Variants in GLIS3 observed in about 807,000 individuals in gnomAD.
GLIS3 encodes the protein GLIS family zinc finger 3, also known as zinc finger protein GLIS3.
A neutral mutation model predicts 78.6 loss-of-function variants in GLIS3; 53 were observed. That is an observed-to-expected ratio of 0.67 (90% CI 0.54 to 0.85). The LOEUF (loss-of-function observed/expected upper bound fraction) is 0.85. Ranked by LOEUF, GLIS3 falls within the 40% of genes least tolerant of loss-of-function variation. The probability of loss-of-function intolerance (pLI) is 0.00; values close to 1 mark genes in which losing one functional copy is unlikely to be tolerated. For synonymous variants in GLIS3, 684 were observed against 509.9 expected, an observed-to-expected ratio of 1.34 and a Z score of -4.60; for missense variants, 1,703 against 1,231.1, an observed-to-expected ratio of 1.38 and a Z score of -5.74.
At chr9:4,221,323 G>C (rs1821314123) in intron 2 of GLIS3, among the ~76,000 whole-genome samples, 1 of 152,128 alleles carries the variant, frequency 6.6e-6, no homozygotes, top group African/African-American at 2.4e-5. Context: ...CTGTAGGTTT[G>C]AAATTATTTA....
intron 4 of GLIS3, among the ~76,000 whole-genome samples, chr9:4,015,211 G>C (rs753198229): frequency 1.3e-5 from 2 of 152,208 alleles, no homozygotes; most frequent in Non-Finnish European, 2.9e-5. Context: ...GGAAGGCCGT[G>C]TGTGCAGGGA....
chr9:4,350,998 G>T (rs952211651), upstream of GLIS3, among the ~76,000 whole-genome samples: 1 of 152,090 alleles, frequency 6.6e-6, no homozygotes, highest in Non-Finnish European at 1.5e-5. Context: ...AGGTCACACC[G>T]CCATGAAGCT....
chr9:4,308,269 G>A (rs769421534), intron 4 of GLIS3, among the ~76,000 whole-genome samples: 2 of 152,224 alleles, frequency 1.3e-5, no homozygotes, highest in African/African-American at 2.4e-5. Flanking sequence ...AGGAAGGGCA[G>A]GAGAAAGAAG....
intron 4 of GLIS3, chr9:4,081,416 G>C (rs2130700487): frequency 6.6e-6 from 1 of 152,256 alleles, no homozygotes; most frequent in South Asian, 2.1e-4. Context: ...CATGTACCTG[G>C]GTTTTGGCCA....
At chr9:4,078,884 G>C (rs1330840336) in intron 4 of GLIS3, among the ~76,000 whole-genome samples, 1 of 152,126 alleles carries the variant, frequency 6.6e-6, no homozygotes, top group Non-Finnish European at 1.5e-5. Flanking sequence ...TCTGTGCTTT[G>C]AAATGCCTCC....
chr9:4,058,603 T>G (rs1826342465), intron 4 of GLIS3, among the ~76,000 whole-genome samples: 1 of 152,204 alleles, frequency 6.6e-6, no homozygotes, highest in Non-Finnish European at 1.5e-5. Context: ...TGTCTACTTC[T>G]ATTGACTATT....
Position 4,269,527 on chromosome 9 carries a change from C to A in GLIS3, c.388+16511G>T, listed in dbSNP as rs191671629. On this transcript the variant is annotated intron_variant, in intron 2 of 10. Transcript: ENST00000381971. ...GCAAATAACCAGATGTCTGAACCAC[C>A]AAAACGATCTACTTAAATCATCAGA... 1.8e-4 allele frequency among the ~76,000 whole-genome samples: 28 copies of A among 152,268 alleles called. 1 individual carries two copies. The highest frequency in any genetic ancestry group is 5.5e-4 in the African/African-American group (23 of 41,558).
At chr9:4,126,931 A>T (rs1832623273) in intron 2 of GLIS3, among the ~76,000 whole-genome samples, 1 of 152,172 alleles carries the variant, frequency 6.6e-6, no homozygotes, top group Admixed American at 6.5e-5. Context: ...TTGGGATCGA[A>T]GTAGGAAGAA....
At chr9:4,104,081 A>C (rs1830576621) in intron 4 of GLIS3, among the ~76,000 whole-genome samples, 1 of 152,152 alleles carries the variant, frequency 6.6e-6, no homozygotes, top group Admixed American at 6.6e-5. Flanking sequence ...TTTCACTTTA[A>C]ATTAGGTAAG....
intron 2 of GLIS3, among the ~76,000 whole-genome samples, chr9:4,202,219 C>T (rs1319037485): frequency 1.4e-5 from 2 of 141,102 alleles, no homozygotes; most frequent in Non-Finnish European, 1.5e-5. Flanking sequence ...GGCACAATCT[C>T]GGCTCACTGC....
chr9:4,152,046 C>T (rs1418405638), intron 2 of GLIS3: 5 of 638,930 alleles, frequency 7.8e-6, no homozygotes, highest in South Asian at 1.4e-4. Context: ...AACCTCAAAC[C>T]CTCCCAGTCT....
intron 2 of GLIS3, among the ~76,000 whole-genome samples, chr9:4,200,553 C>A (rs919267310): frequency 1.3e-5 from 2 of 152,038 alleles, no homozygotes; most frequent in Admixed American, 1.3e-4. Flanking sequence ...ACTAGAAAGT[C>A]TGAAGGAAAT....
chr9:3,838,255 A>G (rs181651293), intron 9 of GLIS3, among the ~76,000 whole-genome samples: 1 of 152,316 alleles, frequency 6.6e-6, no homozygotes, highest in Admixed American at 6.5e-5. Flanking sequence ...AATGTAAGGA[A>G]ATCTTAGTTA....
intron 4 of GLIS3, among the ~76,000 whole-genome samples, chr9:3,958,376 C>A (rs532511702): frequency 6.6e-6 from 1 of 152,098 alleles, no homozygotes; most frequent in African/African-American, 2.4e-5. Context: ...CAAAAAAAGT[C>A]ATGAATCATT....
chr9:3,940,581 G>T (rs1458944961), intron 4 of GLIS3, among the ~76,000 whole-genome samples: 1 of 152,162 alleles, frequency 6.6e-6, no homozygotes, highest in Non-Finnish European at 1.5e-5. Flanking sequence ...ATGACTGAAT[G>T]ATGAGGCCAG....
At chr9:3,925,780 A>C (rs1825179384) in intron 6 of GLIS3, among the ~76,000 whole-genome samples, 1 of 152,210 alleles carries the variant, frequency 6.6e-6, no homozygotes, top group Non-Finnish European at 1.5e-5. Flanking sequence ...CATTCACTTC[A>C]ATGTTTAATG....
chr9:3,939,021 C>A (rs759590542), intron 4 of GLIS3, among the ~76,000 whole-genome samples: 15 of 152,134 alleles, frequency 9.9e-5, no homozygotes, highest in Admixed American at 2.0e-4. Flanking sequence ...CCTGGTGGAC[C>A]ACACTTAGGT....
chr9:3,931,240 A>C (rs958894020), intron 6 of GLIS3, among the ~76,000 whole-genome samples: 1 of 152,158 alleles, frequency 6.6e-6, no homozygotes, highest in Non-Finnish European at 1.5e-5. Flanking sequence ...AATTCCTTCC[A>C]TATACACACC....
intron 4 of GLIS3, among the ~76,000 whole-genome samples, chr9:3,939,361 T>C (rs559907105): frequency 8.5e-5 from 13 of 152,360 alleles, no homozygotes; most frequent in African/African-American, 3.1e-4. Flanking sequence ...AACTGTTCAC[T>C]TGATAAGACA....
Sources: gnomAD v4.1 joint callset for allele counts (sites outside exome capture counted in the v4.1 genomes callset) on GRCh38, gnomAD v4.1.1 for gene constraint, MANE v1.5 for transcripts, NCBI Gene and HGNC (gene_info 2026-07-23, HGNC 2026-07-21) for gene names.